Variants in CANX observed in about 807,000 individuals in gnomAD.
The protein encoded by CANX is epididymis secretory sperm binding protein.
Under a neutral mutation model 75.7 loss-of-function variants are expected in CANX, and 14 were observed. That is an observed-to-expected ratio of 0.19 (90% CI 0.12 to 0.29). CANX has a LOEUF of 0.29. CANX is among the 10% of genes least tolerant of loss of function. The probability of loss-of-function intolerance (pLI) is 1.00; values close to 1 mark genes in which losing one functional copy is unlikely to be tolerated. For synonymous variants in CANX, 227 were observed against 236.9 expected (o/e 0.96, Z 0.38); for missense variants, 567 against 713.2 (o/e 0.79, Z 2.34).
chr5:179,698,936 G>C (rs1003486609), upstream of CANX: 2 of 1,131,610 alleles, frequency 1.8e-6, no homozygotes, highest in Non-Finnish European at 2.2e-6. Context: ...CACAGGGCCG[G>C]GCTTCGTGCG....
rs1778886144 is a variant in CANX, at chr5:179,729,718, T to G, written c.*1074T>G. On this transcript the variant is annotated 3_prime_UTR_variant, in exon 15 of 15. Transcript: ENST00000247461. ...GGTCAAAGTACAGAATAGAATACATTGATACAAAGTACAGAAAAATACTTT... is the reference window on the plus strand; with the variant it reads ...GGTCAAAGTACAGAATAGAATACATGGATACAAAGTACAGAAAAATACTTT... The G allele has an allele frequency of 6.6e-6, 1 of 152,658 alleles. No homozygotes were observed. Among genetic ancestry groups the G allele is most frequent in the South Asian group, 2.1e-4 (1 of 4,836 alleles). The allele number at this position is 152,658 out of a possible 1,614,324, so 9.5% of individuals were successfully genotyped here.
upstream of CANX, chr5:179,698,678 C>A: frequency 9.5e-7 from 1 of 1,050,032 alleles, no homozygotes; most frequent in Non-Finnish European, 1.3e-6. Context: ...CCTGTTAAAC[C>A]AGCCCCGCCC....
At chr5:179,691,380 T>C (rs1322168259) in intron 1 of CANX, among the ~76,000 whole-genome samples, 1 of 151,942 alleles carries the variant, frequency 6.6e-6, no homozygotes, top group Non-Finnish European at 1.5e-5. Context: ...TGTTAGCCAG[T>C]GTATTGTTTT....
intron 14 of CANX, among the ~76,000 whole-genome samples, chr5:179,727,036 C>G (rs1293708415): frequency 1.3e-5 from 2 of 152,192 alleles, no homozygotes; most frequent in Non-Finnish European, 1.5e-5. Flanking sequence ...AAGAAGGAAA[C>G]TTCGGGTCAT....
chr5:179,722,973 C>T lies in CANX; in HGVS notation c.1352C>T (p.Ala451Val). 6.2e-7 allele frequency: 1 copy of T among 1,614,074 alleles called. No homozygotes were observed. Among genetic ancestry groups the T allele is most frequent in the South Asian group, 1.1e-5 (1 of 91,082 alleles). ...GATCGAAGAATAGTTGATGATTGGGCCAATGATGGATGGGGCCTGAAGAAA... is the reference window on the plus strand; with the variant it reads ...GATCGAAGAATAGTTGATGATTGGGTCAATGATGGATGGGGCCTGAAGAAA... Reference protein sequence around the residue: ...CADRRIVDDWANDGWGLKKAA... With the variant: ...CADRRIVDDWVNDGWGLKKAA... Residue 451 changes from alanine (A) to valine (V), a missense_variant, in exon 11 of 15, where the codon GCC becomes GTC. Coordinates refer to ENST00000247461, the MANE Select transcript of CANX (RefSeq NM_001746.4).
At chr5:179,705,584 TA>T (rs980993511) in intron 1 of CANX, 94 bp from the exon 2 acceptor site, 3 of 909,702 alleles carry the variant, frequency 3.3e-6, no homozygotes, top group Non-Finnish European at 5.1e-6. Flanking sequence ...CTCTGCGATT[TA>T]AAAGCTTTAA....
chr5:179,679,416 A>G (rs1011961188), intron 1 of CANX: 7 of 647,774 alleles, frequency 1.1e-5, no homozygotes, highest in Non-Finnish European at 1.6e-5. Flanking sequence ...TCCACGCTGC[A>G]CAGGCAGCAG....
intron 1 of CANX, among the ~76,000 whole-genome samples, chr5:179,703,722 T>C (rs540266022): frequency 4.6e-5 from 7 of 151,714 alleles, no homozygotes; most frequent in South Asian, 2.1e-4. Flanking sequence ...ATAGAGGAAG[T>C]TGAAGATTCC....
intron 2 of CANX, 146 bp downstream of exon 2, chr5:179,705,998 T>C: frequency 1.5e-6 from 1 of 653,000 alleles, no homozygotes; most frequent in Non-Finnish European, 2.7e-6. Flanking sequence ...CAGGGAGATA[T>C]CATCTCTAAT....
At chr5:179,684,924 G>T (rs1456905281) in intron 1 of CANX, among the ~76,000 whole-genome samples, 1,243 of 28,858 alleles carry the variant, frequency 0.043, 45 homozygotes, top group African/African-American at 0.13. Context: ...GGCTAATTTT[G>T]TATTTTTTTT....
At chr5:179,679,367 T>C in intron 1 of CANX, 1 of 1,030,394 alleles carries the variant, frequency 9.7e-7, no homozygotes, top group Non-Finnish European at 1.4e-6. Context: ...CGGCTGCGGC[T>C]GTGTCTCACC....
chr5:179,712,301 A>G (rs1033578532), intron 7 of CANX, among the ~76,000 whole-genome samples: 1 of 152,116 alleles, frequency 6.6e-6, no homozygotes, highest in Non-Finnish European at 1.5e-5. Context: ...ATACCTGGAC[A>G]ATTGACAATT....
intron 7 of CANX, chr5:179,715,839 T>G: frequency 4.3e-6 from 2 of 461,150 alleles, no homozygotes; most frequent in South Asian, 4.0e-5. Flanking sequence ...TTTTTTTTAG[T>G]GTCTATAAGT....
chr5:179,704,802 C>G (rs1170657929), intron 1 of CANX, among the ~76,000 whole-genome samples: 3 of 151,966 alleles, frequency 2.0e-5, no homozygotes, highest in Non-Finnish European at 4.4e-5. Context: ...TGCCACTGCA[C>G]TCCAGCCTGG....
chr5:179,688,821 C>G (rs1031249155), intron 1 of CANX, among the ~76,000 whole-genome samples: 1 of 148,910 alleles, frequency 6.7e-6, no homozygotes, highest in Non-Finnish European at 1.5e-5. Flanking sequence ...ACTAAAAATA[C>G]GAAAATTAGC....
chr5:179,678,883 G>A, intron 1 of CANX: 2 of 1,535,802 alleles, frequency 1.3e-6, no homozygotes, highest in Non-Finnish European at 1.7e-6. Context: ...TCGCCAGCTG[G>A]CTCTCAGTGG....
chr5:179,712,082 A>C (rs1777595646), intron 7 of CANX, among the ~76,000 whole-genome samples: 2 of 145,774 alleles, frequency 1.4e-5, no homozygotes. Flanking sequence ...TGGGCAACAC[A>C]GTGAGACTCC....
chr5:179,697,901 TA>T (rs943315842), upstream of CANX, among the ~76,000 whole-genome samples: 1 of 151,662 alleles, frequency 6.6e-6, no homozygotes, highest in Non-Finnish European at 1.5e-5. Flanking sequence ...AAAATAAAAA[TA>T]AAAAAAATTT....
In CANX at chr5:179,702,792, A is replaced by AGTCT. The variant is rs559555415; in HGVS notation, c.-3-2886_-3-2883dup. On this transcript the variant is annotated intron_variant, in intron 1 of 14. Transcript: ENST00000247461. ...ACTTTATTTTTTATTTTTTTGAGACAGTCTCACTCTTGTTGGCCAGGCTGC... is the reference window on the plus strand; with the variant it reads ...ACTTTATTTTTTATTTTTTTGAGACAGTCTGTCTCACTCTTGTTGGCCAGGCTGC... Among the ~76,000 whole-genome samples, 33 of 152,132 alleles carry AGTCT rather than the reference A, an allele frequency of 2.2e-4. No individual in the cohort carries two copies. The East Asian group carries it at 6.4e-3, about 29-fold the overall frequency.
Sources: allele counts gnomAD v4.1 joint callset (sites outside exome capture counted in the v4.1 genomes callset), GRCh38; gene constraint gnomAD v4.1.1; transcripts MANE v1.5; gene names NCBI Gene and HGNC (gene_info 2026-07-23, HGNC 2026-07-21).